Variants in MORN4 observed in about 807,000 individuals in gnomAD.
MORN4 encodes MORN repeat-containing protein 4.
MORN4 carries 8 observed loss-of-function variants against 16.4 expected under a neutral mutation model. The observed-to-expected ratio is 0.49, with a 90% confidence interval of 0.29 to 0.88. The LOEUF (loss-of-function observed/expected upper bound fraction) is 0.88, where lower values mean the gene tolerates loss of function less well. Among genes scored for constraint, MORN4 ranks in the 40% least tolerant of loss-of-function variants. MORN4 has a pLI of 0.09. For missense variants in MORN4, 159 were observed against 182.9 expected (o/e 0.87, Z 0.75); for synonymous variants, 53 against 68.9 (o/e 0.77, Z 1.14).
chr10:97,626,228 T>G (rs897044852), intron 1 of MORN4, among the ~76,000 whole-genome samples: 1 of 151,516 alleles, frequency 6.6e-6, no homozygotes, highest in Non-Finnish European at 1.5e-5. Context: ...AACACAAAAA[T>G]TAGCCAGGCG....
intron 3 of MORN4, 125 bp downstream of exon 3, chr10:97,617,083 A>C: frequency 1.3e-6 from 1 of 778,534 alleles, no homozygotes; most frequent in Non-Finnish European, 2.2e-6. Flanking sequence ...AGAACTACTT[A>C]TTACTCATCT....
chr10:97,633,785 G>C (rs577933981), upstream of MORN4, among the ~76,000 whole-genome samples: 1 of 152,244 alleles, frequency 6.6e-6, no homozygotes, highest in Non-Finnish European at 1.5e-5. The surrounding 1 kb of genome is among the most constrained non-coding windows in gnomAD (Gnocchi z 4.5). Context: ...CTCTGATCTT[G>C]CTCCAGTCCC....
intron 1 of MORN4, among the ~76,000 whole-genome samples, chr10:97,632,058 C>T (rs1409687569): frequency 1.3e-5 from 2 of 152,036 alleles, no homozygotes; most frequent in Non-Finnish European, 2.9e-5. Flanking sequence ...CCAGAACCAC[C>T]CTTCCCAGGG....
chr10:97,617,062 T>C (rs1589917176), intron 3 of MORN4, 146 bp downstream of exon 3: 2 of 693,440 alleles, frequency 2.9e-6, no homozygotes, highest in East Asian at 2.6e-5. Context: ...ACTTAAAAAA[T>C]AGCTAATAAA....
intron 2 of MORN4, among the ~76,000 whole-genome samples, chr10:97,618,787 GT>G (rs374979684): frequency 1.6e-3 from 220 of 133,516 alleles, no homozygotes; most frequent in African/African-American, 3.8e-3. Flanking sequence ...GATACTGGTT[GT>G]TTTTTTTTTT....
rs1277930560 is a variant in MORN4 at position 97,617,323 on chromosome 10, CT to C, written c.68-2del. ...AGTTGACCAAAACCATGCCTGCGGC[CT>C]GAACAAAGAGAAGGATAGGTGTCAG... is the stretch of plus-strand genomic sequence containing the variant. On this transcript the variant is annotated splice_acceptor_variant, in intron 2 of 4. Coordinates refer to ENST00000307450, the MANE Select transcript of MORN4 (RefSeq NM_178832.4). LOFTEE classifies it high-confidence loss of function. The C allele has an allele frequency of 1.9e-6, 3 of 1,613,810 alleles. No individual in the cohort carries two copies. The Admixed American group carries it at 5.0e-5, about 27-fold the overall frequency.
chr10:97,624,774 A>G (rs184630348), intron 1 of MORN4, among the ~76,000 whole-genome samples: 3 of 151,972 alleles, frequency 2.0e-5, no homozygotes, highest in Admixed American at 2.0e-4. Flanking sequence ...GCTGGAGTGC[A>G]ATGGCGCGAT....
chr10:97,621,846 C>A (rs1443150529), intron 1 of MORN4, among the ~76,000 whole-genome samples: 3 of 151,818 alleles, frequency 2.0e-5, no homozygotes, highest in Non-Finnish European at 4.4e-5. Context: ...GCCTGGGCGA[C>A]AGAGTGAGGC....
chr10:97,622,472 G>T (rs1436433880), intron 1 of MORN4, among the ~76,000 whole-genome samples: 1 of 151,964 alleles, frequency 6.6e-6, no homozygotes, highest in Non-Finnish European at 1.5e-5. Context: ...GACCACTTGA[G>T]CTCAGGAGTT....
intron 1 of MORN4, among the ~76,000 whole-genome samples, chr10:97,620,917 T>A (rs960173545): frequency 1.4e-4 from 21 of 152,046 alleles, no homozygotes; most frequent in Admixed American, 3.9e-4. Context: ...GGTCAGGAGT[T>A]CGAGACCAGC....
chr10:97,616,256 T>C lies in MORN4; in HGVS notation c.*7A>G. On this transcript the variant is annotated 3_prime_UTR_variant, in exon 5 of 5. Transcript: ENST00000307450. The stretch of plus-strand genomic sequence containing the variant: ...CCAATACTTATCAGCTGGTGCCCAC[T>C]GCGCTGTCAGGCAGTGAGATTTCTG... 1.3e-6 allele frequency: 2 copies of C among 1,578,494 alleles called. No homozygotes were observed. The highest frequency in any genetic ancestry group is 1.7e-6 in the Non-Finnish European group (2 of 1,163,202).
At chr10:97,626,910 A>G (rs1270484871) in intron 1 of MORN4, among the ~76,000 whole-genome samples, 1 of 150,878 alleles carries the variant, frequency 6.6e-6, no homozygotes, top group African/African-American at 2.4e-5. Context: ...GGCCCCTGCC[A>G]CCACGCCCAG....
Position 97,633,407 on chromosome 10 carries a change from T to C in MORN4, c.-91A>G. The C allele has an allele frequency of 3.1e-6, 4 of 1,289,812 alleles. No individual in the cohort carries two copies. Among genetic ancestry groups the C allele is most frequent in the Non-Finnish European group, 4.0e-6 (4 of 988,838 alleles). The allele number at this position is 1,289,812 out of a possible 1,614,324, so 79.9% of individuals were successfully genotyped here. A position where few individuals can be genotyped will look rare whatever the true frequency, so the allele number is the denominator to read the frequency against. ...GACGCAGGGTTCCAGCGCCTCGGAC[T>C]TTTCCTCTGATGGGCTCCCGGCTGC... is the stretch of plus-strand genomic sequence containing the variant. On this transcript the variant is annotated 5_prime_UTR_variant, in exon 1 of 5. Coordinates refer to ENST00000307450, the MANE Select transcript of MORN4 (RefSeq NM_178832.4). This position sits in a 1 kb window ranked among gnomAD's most constrained non-coding sequence, Gnocchi z 4.5.
At chr10:97,630,490 A>C (rs2041387315) in intron 1 of MORN4, among the ~76,000 whole-genome samples, 1 of 152,218 alleles carries the variant, frequency 6.6e-6, no homozygotes, top group African/African-American at 2.4e-5. Context: ...AACAGTACAT[A>C]CTACAAACTT....
rs1483171041 is a variant in MORN4, at chr10:97,615,497, T to A, written c.*766A>T. The A allele has an allele frequency of 6.6e-6, 1 of 151,754 alleles. No homozygotes were observed. The highest frequency in any genetic ancestry group is 1.5e-5 in the Non-Finnish European group (1 of 67,958). The allele number at this position is 151,754 out of a possible 1,614,324, so 9.4% of individuals were successfully genotyped here. A position where few individuals can be genotyped will look rare whatever the true frequency, so the allele number is the denominator to read the frequency against. ...CAGCACTTTGGGAGACCAAGGCGGG[T>A]GGATCACGAGGTCAGGAGTTTGAGA... On this transcript the variant is annotated 3_prime_UTR_variant, in exon 5 of 5. Transcript: ENST00000307450.
At chr10:97,626,629 T>C (rs545493354) in intron 1 of MORN4, among the ~76,000 whole-genome samples, 65 of 151,866 alleles carry the variant, frequency 4.3e-4, no homozygotes, top group Admixed American at 2.2e-3. Flanking sequence ...CTAATTTTTG[T>C]ATTTTTAGTA....
At chr10:97,631,316 C>T (rs2041393780) in intron 1 of MORN4, among the ~76,000 whole-genome samples, 1 of 152,198 alleles carries the variant, frequency 6.6e-6, no homozygotes, top group Admixed American at 6.5e-5. Context: ...CCTTTCTGCA[C>T]TCCTGATAGA....
At chr10:97,631,941 A>C (rs555477524) in intron 1 of MORN4, among the ~76,000 whole-genome samples, 3 of 144,972 alleles carry the variant, frequency 2.1e-5, no homozygotes, top group Admixed American at 2.0e-4. Flanking sequence ...CCTTGTCTCA[A>C]AAAAAAGAAA....
chr10:97,629,746 GT>G (rs944627954), intron 1 of MORN4, among the ~76,000 whole-genome samples: 17 of 148,036 alleles, frequency 1.1e-4, no homozygotes, highest in African/African-American at 2.7e-4. Flanking sequence ...TCATATGGGT[GT>G]TTTTTTTTTG....
Sources: allele counts gnomAD v4.1 joint callset (sites outside exome capture counted in the v4.1 genomes callset), GRCh38; gene constraint gnomAD v4.1.1; non-coding constraint Gnocchi (gnomAD v3.1); transcripts MANE v1.5; gene names NCBI Gene and HGNC (gene_info 2026-07-23, HGNC 2026-07-21).